TYW5: variants seen among roughly 807,000 people sequenced by gnomAD.
The protein encoded by TYW5 is tRNA wybutosine-synthesizing protein 5.
In TYW5, 36 loss-of-function variants were observed where a neutral mutation model predicts 44.4. The ratio of observed to expected loss-of-function variants is 0.81; its 90% CI spans 0.62 to 1.07. The LOEUF is 1.07. Among genes scored for constraint, TYW5 ranks in the 50% least tolerant of loss-of-function variants. The pLI is 0.00. For synonymous variants in TYW5, 121 were observed against 128.1 expected, an observed-to-expected ratio of 0.94 and a Z score of 0.37; for missense variants, 354 against 365.7, an observed-to-expected ratio of 0.97 and a Z score of 0.26.
At chr2:199,935,740 A>G (rs1385725215) in intron 7 of TYW5, among the ~76,000 whole-genome samples, 191 bp downstream of exon 7, 2 of 146,358 alleles carry the variant, frequency 1.4e-5, no homozygotes, top group Non-Finnish European at 3.0e-5. Context: ...ACACACACAC[A>G]CACACACACA....
chr2:199,938,566 A>G (rs939692778), intron 5 of TYW5, among the ~76,000 whole-genome samples: 1 of 152,154 alleles, frequency 6.6e-6, no homozygotes, highest in Non-Finnish European at 1.5e-5. Context: ...AGCCAGAGTC[A>G]TGTGTATCAT....
rs375238758 is a variant in TYW5, at chr2:199,933,117, G to A, written c.898C>T (p.Arg300Ter). Residue 300 changes from arginine (R) to a stop codon, truncating the protein, a stop_gained, in exon 8 of 8, where the codon CGA (arginine) becomes TGA (stop). Coordinates refer to ENST00000354611, the MANE Select transcript of TYW5 (RefSeq NM_001039693.3). LOFTEE classifies it high-confidence loss of function. ...PEEYRDFYAR[R>*]MVLHIQDKAY... ...TTGTCTTGAATGTGTAGGACCATTCGTCGTGCATAGAAGTCCCTATATTCC... is the reference window on the plus strand; with the variant it reads ...TTGTCTTGAATGTGTAGGACCATTCATCGTGCATAGAAGTCCCTATATTCC... The A allele has an allele frequency of 7.4e-6, 12 of 1,613,994 alleles. No homozygotes were observed. The highest frequency in any genetic ancestry group is 4.0e-5 in the African/African-American group (3 of 74,920).
chr2:199,948,411 T>C lies in TYW5; in HGVS notation c.140A>G (p.Asp47Gly). The C allele has an allele frequency of 3.1e-6, 5 of 1,614,184 alleles. No individual in the cohort carries two copies. Among genetic ancestry groups the C allele is most frequent in the Non-Finnish European group, 2.5e-6 (3 of 1,180,020 alleles). ...CTTCCCTCCAACTTGGCTTAGGTAA[T>C]CCACTGTCCATTTGCTTGTACATGG... ...LGPCTSKWTVDYLSQVGGKKE... is the reference protein window; with the variant it reads ...LGPCTSKWTVGYLSQVGGKKE... Residue 47 changes from aspartate (D) to glycine (G), a missense_variant, in exon 2 of 8, where the codon GAT becomes GGT. By Grantham distance (94) the Asp-to-Gly change is moderately conservative (BLOSUM62 -1). Transcript: ENST00000354611.
At position 199,929,357 on chromosome 2, in the gene TYW5, A is replaced by G. The variant is rs951053091; in HGVS notation, c.*3710T>C. 6.6e-5 allele frequency among the ~76,000 whole-genome samples: 10 copies of G among 152,202 alleles called. No individual in the cohort carries two copies. Among genetic ancestry groups the G allele is most frequent in the African/African-American group, 2.4e-4 (10 of 41,444 alleles). The stretch of plus-strand genomic sequence containing the variant: ...TATAATAAAAAAATAAATAGAGACT[A>G]CAACTTAGGTATATTTAAGACACCC... On this transcript the variant is annotated 3_prime_UTR_variant, in exon 8 of 8. Transcript: ENST00000354611.
Position 199,949,548 on chromosome 2 carries a change from T to C in TYW5, c.79-1076A>G, listed in dbSNP as rs2077529012. ...GTCTCTTTTAATCTGAAATGTTTAA[T>C]CATCAGCCTCTTTACCTTCTATGAC... On this transcript the variant is annotated intron_variant, in intron 1 of 7. Transcript: ENST00000354611. 2.0e-5 allele frequency among the ~76,000 whole-genome samples: 3 copies of C among 152,230 alleles called. No homozygotes were observed. The South Asian group carries it at 6.2e-4, about 31-fold the overall frequency.
intron 1 of TYW5, among the ~76,000 whole-genome samples, chr2:199,955,060 T>A (rs1487219001): frequency 6.6e-6 from 1 of 152,172 alleles, no homozygotes; most frequent in South Asian, 2.1e-4. Context: ...TTTGGCTCAG[T>A]GGAGTGAAAA....
intron 2 of TYW5, chr2:199,944,763 CTG>C (rs2077491303): frequency 6.6e-6 from 1 of 152,202 alleles, no homozygotes; most frequent in South Asian, 2.1e-4. Flanking sequence ...CACTTGAACT[CTG>C]TACTGAGAAA....
intron 1 of TYW5, 154 bp downstream of exon 1, chr2:199,955,239 T>C (rs936256825): frequency 6.3e-5 from 49 of 780,662 alleles, no homozygotes; most frequent in Non-Finnish European, 7.3e-5. Flanking sequence ...CCCGTGCACC[T>C]TTCCCTTGGT....
rs1345665026 is a variant in TYW5, at chr2:199,929,965, A to G, written c.*3102T>C. 3 of 145,094 alleles carry G rather than the reference A, an allele frequency of 2.1e-5. No individual in the cohort carries two copies. Among genetic ancestry groups the G allele is most frequent in the South Asian group, 2.3e-4 (1 of 4,346 alleles). 9.0% of individuals were successfully genotyped at this position (145,094 alleles called of 1,614,324 possible). A position where few individuals can be genotyped will look rare whatever the true frequency, so the allele number is the denominator to read the frequency against. ...GGACCACCACTCCCCAGCTCTGCAT[A>G]TAATATTTTTTTTTTTTTTTTTTTT... On this transcript the variant is annotated 3_prime_UTR_variant, in exon 8 of 8. Coordinates refer to ENST00000354611, the MANE Select transcript of TYW5 (RefSeq NM_001039693.3).
intron 2 of TYW5, 32 bp downstream of exon 2, chr2:199,948,286 G>C (rs1299297449): frequency 6.2e-7 from 1 of 1,608,754 alleles, no homozygotes; most frequent in South Asian, 1.1e-5. Context: ...AAAGTTATTT[G>C]TATCCCCAGA....
At position 199,929,479 on chromosome 2, in the gene TYW5, A is replaced by AT. The variant is rs964302690; in HGVS notation, c.*3587dup. 6.6e-6 allele frequency among the ~76,000 whole-genome samples: 1 copy of AT among 151,208 alleles called. No individual in the cohort carries two copies. On this transcript the variant is annotated 3_prime_UTR_variant, in exon 8 of 8. Coordinates refer to ENST00000354611, the MANE Select transcript of TYW5 (RefSeq NM_001039693.3). ...ATGTTAGTTCCTCCTGACTACATCTATTTTTTAGCACTGGGGAAAGGAGTC... is the reference window on the plus strand; with the variant it reads ...ATGTTAGTTCCTCCTGACTACATCTATTTTTTTAGCACTGGGGAAAGGAGTC...
intron 1 of TYW5, among the ~76,000 whole-genome samples, chr2:199,949,468 A>C (rs1210768634): frequency 2.0e-5 from 3 of 152,098 alleles, no homozygotes; most frequent in African/African-American, 7.2e-5. Context: ...CCTTTGCTTT[A>C]TTTTTTCCTA....
chr2:199,932,909 T>C lies in TYW5; in HGVS notation c.*158A>G, dbSNP rs1230036477. On this transcript the variant is annotated 3_prime_UTR_variant, in exon 8 of 8. Coordinates refer to ENST00000354611, the MANE Select transcript of TYW5 (RefSeq NM_001039693.3). The stretch of plus-strand genomic sequence containing the variant: ...AGAGTGGTCCCAGCACAGCATTCTT[T>C]AATTATAACAATCTGTATCAAGTAG... 2 of 847,518 alleles carry C rather than the reference T, an allele frequency of 2.4e-6. No homozygotes were observed. Among genetic ancestry groups the C allele is most frequent in the Non-Finnish European group, 3.5e-6 (2 of 567,954 alleles). The allele number at this position is 847,518 out of a possible 1,614,324, so 52.5% of individuals were successfully genotyped here.
chr2:199,941,080 G>C (rs1265545515), intron 3 of TYW5, among the ~76,000 whole-genome samples: 1 of 152,112 alleles, frequency 6.6e-6, no homozygotes, highest in Non-Finnish European at 1.5e-5. Context: ...ATTGTTTTGA[G>C]ACAGGGACTC....
Position 199,938,424 on chromosome 2 carries a change from T to C in TYW5, c.486+509A>G, listed in dbSNP as rs567194169. Among the ~76,000 whole-genome samples the C allele has an allele frequency of 8.0e-4, 122 of 152,256 alleles. 1 individual carries two copies. Among genetic ancestry groups the C allele is most frequent in the African/African-American group, 2.9e-3 (119 of 41,554 alleles). ...TACAAATACAGCAGATATTTGACATTCTCAAGGCATATATATCCTAAGATC... is the reference window on the plus strand; with the variant it reads ...TACAAATACAGCAGATATTTGACATCCTCAAGGCATATATATCCTAAGATC... On this transcript the variant is annotated intron_variant, in intron 5 of 7. Transcript: ENST00000354611.
At chr2:199,954,467 T>C (rs1008970715) in intron 1 of TYW5, among the ~76,000 whole-genome samples, 2 of 152,030 alleles carry the variant, frequency 1.3e-5, no homozygotes, top group Non-Finnish European at 2.9e-5. Flanking sequence ...GTTTAGCTCT[T>C]GTTGCCCAGG....
At chr2:199,942,259 G>C (rs1435618046) in intron 3 of TYW5, 1 of 152,160 alleles carries the variant, frequency 6.6e-6, no homozygotes, top group Admixed American at 6.6e-5. Flanking sequence ...AGTAGAGGCG[G>C]GGTTTCACCG....
At chr2:199,943,507 C>T (rs930920802) in intron 3 of TYW5, 12 of 317,378 alleles carry the variant, frequency 3.8e-5, no homozygotes, top group African/African-American at 2.4e-4. Context: ...TTAGTTAATC[C>T]TCACAAACAC....
rs2077349155 is a variant in TYW5 at position 199,928,982 on chromosome 2, CTATTT to C, written c.*4080_*4084del. On this transcript the variant is annotated 3_prime_UTR_variant, in exon 8 of 8. Coordinates refer to ENST00000354611, the MANE Select transcript of TYW5 (RefSeq NM_001039693.3). ...ACAAAAGGTAGTATTCATAAAAGAG[CTATTT>C]TGTTTTATTTCACTTGAAGTTCTTA... is the stretch of plus-strand genomic sequence containing the variant. 6.6e-6 allele frequency among the ~76,000 whole-genome samples: 1 copy of C among 152,084 alleles called. No homozygotes were observed. Among genetic ancestry groups the C allele is most frequent in the African/African-American group, 2.4e-5 (1 of 41,420 alleles).
Sources: allele counts gnomAD v4.1 joint callset (sites outside exome capture counted in the v4.1 genomes callset), GRCh38; gene constraint gnomAD v4.1.1; transcripts MANE v1.5; gene names NCBI Gene and HGNC (gene_info 2026-07-23, HGNC 2026-07-21).